Variants in ERN1 observed in about 807,000 individuals in gnomAD.
The protein encoded by ERN1 is endoplasmic reticulum to nucleus signaling 1, also known as serine/threonine-protein kinase/endoribonuclease IRE1.
A neutral mutation model predicts 113.1 loss-of-function variants in ERN1; 39 were observed. That is an observed-to-expected ratio of 0.34 (90% CI 0.27 to 0.45). The LOEUF (loss-of-function observed/expected upper bound fraction) is 0.45. Ranked by LOEUF, ERN1 falls within the 20% of genes least tolerant of loss-of-function variation. The pLI is 1.00. For missense variants in ERN1, 976 were observed against 1,274.8 expected (o/e 0.77, Z 3.57); for synonymous variants, 507 against 515.9 (o/e 0.98, Z 0.23).
chr17:64,098,219 A>G lies in ERN1; in HGVS notation c.77T>C (p.Val26Ala), dbSNP rs1914282354. The G allele has an allele frequency of 1.2e-6, 2 of 1,613,980 alleles. No homozygotes were observed. The highest frequency in any genetic ancestry group is 1.7e-6 in the Non-Finnish European group (2 of 1,179,872). ...GLGIFGSTSTVTLPETLLFVS... is the reference protein window; with the variant it reads ...GLGIFGSTSTATLPETLLFVS... ...AAACAACAAGGTTTCAGGAAGCGTCACTGTGCTGGTACTTCCAAAAATCTG... is the reference window on the plus strand; with the variant it reads ...AAACAACAAGGTTTCAGGAAGCGTCGCTGTGCTGGTACTTCCAAAAATCTG... Residue 26 changes from valine (V) to alanine (A), a missense_variant, in exon 2 of 22, where the codon GTG (valine) becomes GCG (alanine). This residue lies in a region of ERN1 where 459 missense variants were observed against 581.2 expected (regional missense o/e 0.79). Coordinates refer to ENST00000433197, the MANE Select transcript of ERN1 (RefSeq NM_001433.5).
chr17:64,112,255 C>A (rs1315310040), intron 1 of ERN1, among the ~76,000 whole-genome samples: 1 of 151,992 alleles, frequency 6.6e-6, no homozygotes, highest in Non-Finnish European at 1.5e-5. Flanking sequence ...GTAATCCCAG[C>A]TCCTCGAGTG....
intron 2 of ERN1, among the ~76,000 whole-genome samples, chr17:64,081,858 G>A (rs1913777987): frequency 6.6e-6 from 1 of 152,200 alleles, no homozygotes; most frequent in Non-Finnish European, 1.5e-5. Context: ...GATGGTGGTG[G>A]CAGTGAGAGA....
intron 1 of ERN1, among the ~76,000 whole-genome samples, chr17:64,115,798 TC>T (rs944291051): frequency 3.9e-5 from 6 of 152,178 alleles, no homozygotes; most frequent in Admixed American, 3.9e-4. Flanking sequence ...ATTAGATTTT[TC>T]CAGGCATGGG....
At chr17:64,097,348 T>TGGCTG (rs2143451827) in intron 2 of ERN1, among the ~76,000 whole-genome samples, 1 of 152,328 alleles carries the variant, frequency 6.6e-6, no homozygotes, top group South Asian at 2.1e-4. Flanking sequence ...AGGAAAAACA[T>TGGCTG]TGGCTGTGCT....
Position 64,040,525 on chromosome 17 carries a change from A to T in ERN1, c.*3463T>A, listed in dbSNP as rs1861007473. The T allele has an allele frequency of 6.6e-6, 1 of 152,268 alleles. No individual in the cohort carries two copies. The highest frequency in any genetic ancestry group is 1.5e-5 in the Non-Finnish European group (1 of 68,072). 9.4% of individuals were successfully genotyped at this position (152,268 alleles called of 1,614,324 possible). A position where few individuals can be genotyped will look rare whatever the true frequency, so the allele number is the denominator to read the frequency against. The stretch of plus-strand genomic sequence containing the variant: ...TGCAGCAAGAAAAGAATTGCCAAAG[A>T]TAACTGAATCGCATGCACACAAAAC... On this transcript the variant is annotated 3_prime_UTR_variant, in exon 22 of 22. Transcript: ENST00000433197.
intron 2 of ERN1, among the ~76,000 whole-genome samples, chr17:64,096,913 C>T (rs1325479942): frequency 2.0e-5 from 3 of 152,202 alleles, no homozygotes; most frequent in African/African-American, 7.2e-5. Context: ...AACTGAAAGA[C>T]ATGCCCTAAC....
At chr17:64,090,521 A>G (rs1056066847) in intron 2 of ERN1, among the ~76,000 whole-genome samples, 1 of 152,254 alleles carries the variant, frequency 6.6e-6, no homozygotes, top group Non-Finnish European at 1.5e-5. Flanking sequence ...TTCATTCCTG[A>G]GTGATGGAGT....
chr17:64,070,949 G>C (rs1294811933), intron 6 of ERN1, among the ~76,000 whole-genome samples: 1 of 152,212 alleles, frequency 6.6e-6, no homozygotes, highest in Non-Finnish European at 1.5e-5. Context: ...CAATATGCCT[G>C]ATGTAGAGAG....
At position 64,044,994 on chromosome 17, in the gene ERN1, A is replaced by C; in HGVS notation, c.2654-67T>G. On this transcript the variant is annotated intron_variant, in intron 20 of 21. Transcript: ENST00000433197. The surrounding 1 kb of genome is among the most constrained non-coding windows in gnomAD (Gnocchi z 4.1). ...AACTAATACATTTTAAAAGAAAACA[A>C]TTCATGGGGTCCTGGGATTAGGGAG... 8.8e-7 allele frequency: 1 copy of C among 1,141,140 alleles called. No homozygotes were observed. Among genetic ancestry groups the C allele is most frequent in the Non-Finnish European group, 1.3e-6 (1 of 775,534 alleles). The allele number at this position is 1,141,140 out of a possible 1,614,324, so 70.7% of individuals were successfully genotyped here. A position where few individuals can be genotyped will look rare whatever the true frequency, so the allele number is the denominator to read the frequency against.
At chr17:64,121,871 C>T (rs1393151999) in intron 1 of ERN1, among the ~76,000 whole-genome samples, 1 of 152,218 alleles carries the variant, frequency 6.6e-6, no homozygotes, top group Non-Finnish European at 1.5e-5. Flanking sequence ...GATGGAGACT[C>T]TCAGGTGAAG....
At chr17:64,068,341 C>G in intron 6 of ERN1, 50 bp from the exon 7 acceptor site, 1 of 1,286,686 alleles carries the variant, frequency 7.8e-7, no homozygotes, top group Non-Finnish European at 1.1e-6. Context: ...GCCATAGTAC[C>G]TACTGAGGTG....
At chr17:64,113,192 C>A (rs1914717886) in intron 1 of ERN1, among the ~76,000 whole-genome samples, 1 of 152,174 alleles carries the variant, frequency 6.6e-6, no homozygotes, top group African/African-American at 2.4e-5. Flanking sequence ...AAATGTGCTA[C>A]CCCCACCAAT....
In ERN1 at chr17:64,083,674, G is replaced by A. The variant is rs192495756; in HGVS notation, c.176-2866C>T. On this transcript the variant is annotated intron_variant, in intron 2 of 21. Coordinates refer to ENST00000433197, the MANE Select transcript of ERN1 (RefSeq NM_001433.5). Reference sequence around the variant, plus strand: ...GGTTTGGTCTCCCAGGATTAACACGGGAAAGAAACAAACCTGCTCACTGAT... The same window carrying A: ...GGTTTGGTCTCCCAGGATTAACACGAGAAAGAAACAAACCTGCTCACTGAT... Among the ~76,000 whole-genome samples the A allele has an allele frequency of 6.0e-4, 91 of 152,234 alleles. 3 individuals are homozygous for A. Among genetic ancestry groups the A allele is most frequent in the African/African-American group, 2.1e-3 (89 of 41,534 alleles).
chr17:64,065,640 T>C (rs16947412), intron 8 of ERN1, among the ~76,000 whole-genome samples: 7,686 of 152,054 alleles, frequency 0.051, 653 homozygotes, highest in African/African-American at 0.18. Flanking sequence ...CTCAGATGAC[T>C]CTCTACAACA....
chr17:64,047,127 G>A (rs1374192468), intron 19 of ERN1, among the ~76,000 whole-genome samples: 1 of 152,198 alleles, frequency 6.6e-6, no homozygotes, highest in Admixed American at 6.5e-5. Context: ...GGGAGGCTGA[G>A]GCGGGCAGAT....
At position 64,043,993 on chromosome 17, in the gene ERN1, G is replaced by C. The variant is rs1267774116; in HGVS notation, c.2929C>G (p.Leu977Val). 2 of 1,607,848 alleles carry C rather than the reference G, an allele frequency of 1.2e-6. No individual in the cohort carries two copies. Among genetic ancestry groups the C allele is most frequent in the Admixed American group, 3.4e-5 (2 of 59,668 alleles). Residue 977 changes from leucine (L) to valine (V), a missense_variant, in exon 22 of 22, where the codon CTC (leucine) becomes GTC (valine). Coordinates refer to ENST00000433197, the MANE Select transcript of ERN1 (RefSeq NM_001433.5). ...AACAGAGGGGCCGCCCTCGCTCAGA[G>C]GGCGTCTGGAGTCACTGGGGGCTGG... Reference protein sequence around the residue: ...EPQPPVTPDAL With the variant: ...EPQPPVTPDAV
At chr17:64,059,848 ATTTTTT>A (rs57472561) in intron 11 of ERN1, among the ~76,000 whole-genome samples, 23 of 114,542 alleles carry the variant, frequency 2.0e-4, no homozygotes, top group East Asian at 5.0e-4. Flanking sequence ...TTCTTCAACA[ATTTTTT>A]TTTTTTTTTT....
Position 64,060,987 on chromosome 17 carries a change from G to A in ERN1, c.1088-400C>T, listed in dbSNP as rs563945053. ...GTAACATCACTCTTCTATGGCCGCC[G>A]AATTCCCATCTTGGTATTTAAATTG... On this transcript the variant is annotated intron_variant, in intron 10 of 21. Transcript: ENST00000433197. Among the ~76,000 whole-genome samples the A allele has an allele frequency of 9.9e-5, 15 of 152,244 alleles. 1 individual carries two copies. The highest frequency in any genetic ancestry group is 2.9e-4 in the African/African-American group (12 of 41,550).
Position 64,054,959 on chromosome 17 carries a change from CT to C in ERN1, c.1673-132del. The C allele has an allele frequency of 1.5e-6, 1 of 687,822 alleles. No individual in the cohort carries two copies. Among genetic ancestry groups the C allele is most frequent in the Non-Finnish European group, 2.4e-6 (1 of 408,192 alleles). The allele number at this position is 687,822 out of a possible 1,614,324, so 42.6% of individuals were successfully genotyped here. A position where few individuals can be genotyped will look rare whatever the true frequency, so the allele number is the denominator to read the frequency against. On this transcript the variant is annotated intron_variant, in intron 13 of 21. Transcript: ENST00000433197. The surrounding 1 kb of genome is among the most constrained non-coding windows in gnomAD (Gnocchi z 4.9). ...TTAAGAGGCACTGCACCCCAGACTG[CT>C]GCTCAGCAAGAGCCTGCCAGGCCCA...
Sources: allele counts gnomAD v4.1 joint callset (sites outside exome capture counted in the v4.1 genomes callset), GRCh38; gene constraint gnomAD v4.1.1; regional missense constraint gnomAD v4.1.1; non-coding constraint Gnocchi (gnomAD v3.1); transcripts MANE v1.5; gene names NCBI Gene and HGNC (gene_info 2026-07-23, HGNC 2026-07-21).